The following LANCL1 variants were observed in gnomAD, a reference collection of about 807,000 sequenced individuals.
The protein encoded by LANCL1 is glutathione S-transferase LANCL1.
A neutral mutation model predicts 50.6 loss-of-function variants in LANCL1; 50 were observed. The observed-to-expected ratio is 0.99, with a 90% CI of 0.79 to 1.25. The LOEUF (loss-of-function observed/expected upper bound fraction) is 1.25. Ranked by LOEUF, LANCL1 falls within the 50% of genes most tolerant of loss-of-function variation. The pLI is 0.00. For synonymous variants in LANCL1, 188 were observed against 178.6 expected, an observed-to-expected ratio of 1.05 and a Z score of -0.42; for missense variants, 532 against 480.7, an observed-to-expected ratio of 1.11 and a Z score of -1.00.
In LANCL1 at chr2:210,455,154, T is replaced by C. The variant is rs545676352; in HGVS notation, c.360A>G (p.Leu120=). The change falls in exon 4 of 10, where the codon CTA becomes CTG. Residue 120 remains leucine, a synonymous_variant. Coordinates refer to ENST00000450366, the MANE Select transcript of LANCL1 (RefSeq NM_006055.3). ...GCTTCTCATTGTTCATCTTGTGATA[T>C]AGCACAGCGGCCACTGCCAGGGGGC... is the stretch of plus-strand genomic sequence containing the variant. ...DAGPLAVAAV[L]YHKMNNEKQA... is the part of the protein sequence containing the mutation. 75 of 1,613,796 alleles carry C rather than the reference T, an allele frequency of 4.6e-5. No individual in the cohort carries two copies. The highest frequency in any genetic ancestry group is 1.2e-4 in the Admixed American group (7 of 59,968).
rs1693116903 is a variant in LANCL1, at chr2:210,441,178, A to G, written c.543+130T>C. On this transcript the variant is annotated intron_variant, in intron 5 of 9. Coordinates refer to ENST00000450366, the MANE Select transcript of LANCL1 (RefSeq NM_006055.3). ...GCTATTGGTTCTTGGACTGTGCCCA[A>G]CCTTTAGAGGTCCAGATACACCTTC... The G allele has an allele frequency of 3.2e-6, 3 of 928,278 alleles. No individual in the cohort carries two copies. The Admixed American group carries it at 7.0e-5, about 22-fold the overall frequency. The allele number at this position is 928,278 out of a possible 1,614,324, so 57.5% of individuals were successfully genotyped here. A position where few individuals can be genotyped will look rare whatever the true frequency, so the allele number is the denominator to read the frequency against.
At chr2:210,470,456 G>C (rs1005877630) in intron 3 of LANCL1, among the ~76,000 whole-genome samples, 5 of 152,038 alleles carry the variant, frequency 3.3e-5, no homozygotes, top group Admixed American at 6.5e-5. Flanking sequence ...GTCATTATTG[G>C]TTGAGTACCC....
rs1692928381 is a variant in LANCL1 at position 210,436,260 on chromosome 2, A to G, written c.1006T>C (p.Tyr336His). Residue 336 changes from tyrosine (Y) to histidine (H), a missense_variant, in exon 8 of 10, where the codon TAC becomes CAC. Physicochemically the swap from Tyr to His is moderately conservative, Grantham distance 83. Coordinates refer to ENST00000450366, the MANE Select transcript of LANCL1 (RefSeq NM_006055.3). ...TACTTCATGTCCTGTGTGAGGTTGTAGAGTGTCAGGAAGGCATAGGCATTC... is the reference window on the plus strand; with the variant it reads ...TACTTCATGTCCTGTGTGAGGTTGTGGAGTGTCAGGAAGGCATAGGCATTC... Reference protein sequence around the residue: ...AGNAYAFLTLYNLTQDMKYLY... With the variant: ...AGNAYAFLTLHNLTQDMKYLY... 6 of 1,613,816 alleles carry G rather than the reference A, an allele frequency of 3.7e-6. No homozygotes were observed. Among genetic ancestry groups the G allele is most frequent in the South Asian group, 3.3e-5 (3 of 91,084 alleles).
intron 6 of LANCL1, among the ~76,000 whole-genome samples, chr2:210,440,203 T>C (rs1693084453): frequency 6.6e-6 from 1 of 152,226 alleles, no homozygotes; most frequent in African/African-American, 2.4e-5. Flanking sequence ...TTGATTTTGT[T>C]CTTATTCCTG....
chr2:210,463,332 T>C (rs983700310), intron 3 of LANCL1, among the ~76,000 whole-genome samples: 2 of 152,158 alleles, frequency 1.3e-5, no homozygotes, highest in African/African-American at 4.8e-5. Context: ...TGCTTCAGCC[T>C]CCTGAGTAGC....
chr2:210,473,095 G>C (rs1402073549), intron 2 of LANCL1, among the ~76,000 whole-genome samples: 3 of 152,144 alleles, frequency 2.0e-5, no homozygotes. Flanking sequence ...GTCACTGAAG[G>C]CCGGGCACAG....
chr2:210,457,879 A>G (rs562896086), intron 3 of LANCL1, among the ~76,000 whole-genome samples: 1 of 152,276 alleles, frequency 6.6e-6, no homozygotes, highest in Non-Finnish European at 1.5e-5. Context: ...CCTTTCTCTC[A>G]ACAATAATGC....
chr2:210,440,671 A>G lies in LANCL1; in HGVS notation c.617T>C (p.Met206Thr), dbSNP rs768386883. 1 of 1,614,018 alleles carries G rather than the reference A, an allele frequency of 6.2e-7. No homozygotes were observed. The highest frequency in any genetic ancestry group is 8.5e-7 in the Non-Finnish European group (1 of 1,179,910). ...ATAATATTCCTGGTACCATTCATACATCAGTGGAGACTTTGCCGTGAAGTT... is the reference window on the plus strand; with the variant it reads ...ATAATATTCCTGGTACCATTCATACGTCAGTGGAGACTTTGCCGTGAAGTT... ...KRNFTAKSPL[M>T]YEWYQEYYVG... Residue 206 changes from methionine to threonine, a missense_variant, in exon 6 of 10, where the codon ATG (methionine) becomes ACG (threonine). Transcript: ENST00000450366.
intron 4 of LANCL1, among the ~76,000 whole-genome samples, chr2:210,450,499 C>A (rs774852141): frequency 2.6e-5 from 4 of 152,096 alleles, no homozygotes; most frequent in Non-Finnish European, 5.9e-5. Flanking sequence ...CAAATGGGAT[C>A]TAATTAAACT....
At chr2:210,455,863 C>T (rs1333260492) in intron 3 of LANCL1, among the ~76,000 whole-genome samples, 1 of 150,654 alleles carries the variant, frequency 6.6e-6, no homozygotes, top group African/African-American at 2.4e-5. Context: ...ATCCCCTGCC[C>T]CAGTATCCTT....
chr2:210,438,133 C>CTTTTTTT (rs397869730), intron 6 of LANCL1, among the ~76,000 whole-genome samples: 1 of 130,622 alleles, frequency 7.7e-6, no homozygotes, highest in African/African-American at 2.9e-5. Context: ...GTTTTTCTTT[C>CTTTTTTT]TTTTTTTTTT....
intron 4 of LANCL1, among the ~76,000 whole-genome samples, chr2:210,445,067 A>G (rs1406726849): frequency 1.3e-5 from 2 of 152,118 alleles, no homozygotes; most frequent in African/African-American, 4.8e-5. Context: ...ATATGAACCT[A>G]TTTTTAATAT....
At chr2:210,436,074 T>C in intron 8 of LANCL1, 142 bp downstream of exon 8, 2 of 622,638 alleles carry the variant, frequency 3.2e-6, no homozygotes, top group African/African-American at 3.7e-5. Context: ...GCTAATTTTT[T>C]GTCATTTTAG....
At chr2:210,475,475 G>A (rs886298062) in intron 2 of LANCL1, among the ~76,000 whole-genome samples, 3 of 152,088 alleles carry the variant, frequency 2.0e-5, no homozygotes, top group African/African-American at 7.2e-5. Context: ...GGGACTACAA[G>A]CTTTCCACCA....
Position 210,476,678 on chromosome 2 carries a change from G to A in LANCL1, c.-75C>T, listed in dbSNP as rs913811784. 8.3e-6 allele frequency: 10 copies of A among 1,211,618 alleles called. No individual in the cohort carries two copies. In the Admixed American group the frequency reaches 1.7e-4, roughly 20 times the overall value. 75.1% of individuals were successfully genotyped at this position (1,211,618 alleles called of 1,614,324 possible). The stretch of plus-strand genomic sequence containing the variant: ...CCCACGCCCGCGACTTGAAGCAAGT[G>A]CGCCTCCCGCGTCCTGAAGCCCTTC... On this transcript the variant is annotated 5_prime_UTR_variant, in exon 1 of 10. Coordinates refer to ENST00000450366, the MANE Select transcript of LANCL1 (RefSeq NM_006055.3).
chr2:210,464,468 A>G (rs1170690267), intron 3 of LANCL1, among the ~76,000 whole-genome samples: 2 of 103,606 alleles, frequency 1.9e-5, no homozygotes, highest in Non-Finnish European at 4.3e-5. Flanking sequence ...ACAGATTTAA[A>G]AATATATATA....
At position 210,436,412 on chromosome 2, in the gene LANCL1, A is replaced by C. The variant is rs569300256; in HGVS notation, c.874-20T>G. ...GAATACCTGCAGAGGCAAAGGACAC[A>C]TTTTATTATACGGGATATAAAAGAA... On this transcript the variant is annotated intron_variant, in intron 7 of 9. Transcript: ENST00000450366. 8.6e-5 allele frequency: 139 copies of C among 1,609,874 alleles called. 2 individuals are homozygous for C. The South Asian group carries it at 1.5e-3, about 17-fold the overall frequency.
chr2:210,465,353 C>T (rs867278826), intron 3 of LANCL1, among the ~76,000 whole-genome samples: 15 of 152,148 alleles, frequency 9.9e-5, no homozygotes, highest in African/African-American at 3.4e-4. Context: ...AGTGCTTCCA[C>T]GAAGCAGAAA....
chr2:210,434,478 G>A lies in LANCL1; in HGVS notation c.*9C>T. The A allele has an allele frequency of 1.9e-6, 3 of 1,609,558 alleles. No homozygotes were observed. The highest frequency in any genetic ancestry group is 1.1e-5 in the South Asian group (1 of 90,542). On this transcript the variant is annotated 3_prime_UTR_variant, in exon 10 of 10. Coordinates refer to ENST00000450366, the MANE Select transcript of LANCL1 (RefSeq NM_006055.3). The stretch of plus-strand genomic sequence containing the variant: ...TCATGCAGTGAGTTGCAGGTGGCAT[G>A]CTATCCTTTCAGAGTTCAAATGCAG...
Sources: gnomAD v4.1 joint callset for allele counts (sites outside exome capture counted in the v4.1 genomes callset) on GRCh38, gnomAD v4.1.1 for gene constraint, MANE v1.5 for transcripts, NCBI Gene and HGNC (gene_info 2026-07-23, HGNC 2026-07-21) for gene names.